Variants in EPHA6 observed in about 807,000 individuals in gnomAD.
EPHA6 encodes EPH receptor A6.
A neutral mutation model predicts 112.0 loss-of-function variants in EPHA6; 50 were observed. That is an observed-to-expected ratio of 0.45 (90% CI 0.36 to 0.56). EPHA6 has a LOEUF of 0.56. Among genes scored for constraint, EPHA6 ranks in the 20% least tolerant of loss-of-function variants. The pLI is 0.00. For synonymous variants in EPHA6, 529 were observed against 490.7 expected, an observed-to-expected ratio of 1.08 and a Z score of -1.03; for missense variants, 1,280 against 1,417.4, an observed-to-expected ratio of 0.90 and a Z score of 1.56.
At chr3:96,925,605 GT>G (rs34393123) in intron 2 of EPHA6, among the ~76,000 whole-genome samples, 16,999 of 136,490 alleles carry the variant, frequency 0.12, 1,208 homozygotes, top group Non-Finnish European at 0.18. Flanking sequence ...TTGATTTGCT[GT>G]TTTTTTTTTT....
In EPHA6 at chr3:97,036,236, T is replaced by C. The variant is rs71311310; in HGVS notation, c.1114+48243T>C. On this transcript the variant is annotated intron_variant, in intron 3 of 17. Coordinates refer to ENST00000389672, the MANE Select transcript of EPHA6 (RefSeq NM_001080448.3). The stretch of plus-strand genomic sequence containing the variant: ...TTTGAAAAATAAAGTGTGAATTATG[T>C]CTTTGATTCTTTAAATCAGTTTCTG... Among the ~76,000 whole-genome samples, 770 of 152,172 alleles carry C rather than the reference T, an allele frequency of 5.1e-3. 4 individuals are homozygous for C. The highest frequency in any genetic ancestry group is 7.2e-3 in the Non-Finnish European group (491 of 67,974).
chr3:97,058,995 G>C (rs913058862), intron 3 of EPHA6, among the ~76,000 whole-genome samples: 1 of 152,024 alleles, frequency 6.6e-6, no homozygotes, highest in Non-Finnish European at 1.5e-5. Context: ...AGGAGTGGGG[G>C]GACGCAGATT....
intron 3 of EPHA6, among the ~76,000 whole-genome samples, chr3:97,012,536 A>C (rs1404769582): frequency 2.0e-5 from 3 of 147,626 alleles, no homozygotes; most frequent in Non-Finnish European, 4.5e-5. Context: ...ATATATTTTT[A>C]TATATGAATA....
At chr3:97,517,675 A>G (rs2107609597) in intron 10 of EPHA6, among the ~76,000 whole-genome samples, 1 of 152,240 alleles carries the variant, frequency 6.6e-6, no homozygotes, top group South Asian at 2.1e-4. Flanking sequence ...TCTGGGCAAT[A>G]AGATCATTAA....
chr3:97,498,967 A>C (rs1382686671), intron 10 of EPHA6, among the ~76,000 whole-genome samples: 2 of 152,244 alleles, frequency 1.3e-5, no homozygotes, highest in Non-Finnish European at 2.9e-5. Flanking sequence ...AGCAATAATC[A>C]AAAGAATTGA....
At chr3:97,232,687 G>A (rs1239388040) in intron 4 of EPHA6, among the ~76,000 whole-genome samples, 1 of 152,232 alleles carries the variant, frequency 6.6e-6, no homozygotes, top group Middle Eastern at 3.4e-3. Flanking sequence ...AATGTTTTTG[G>A]AACAGGAACA....
Position 97,753,453 on chromosome 3 carries a change from AACC to A in EPHA6, c.*4753_*4755del, listed in dbSNP as rs549097118. Among the ~76,000 whole-genome samples, 67 of 152,246 alleles carry A rather than the reference AACC, an allele frequency of 4.4e-4. 1 individual carries two copies. In the South Asian group the frequency reaches 5.8e-3, roughly 13 times the overall value. ...ATAGTATTCTTCCGAAACACTCCATAACCCCTCTGGCGGAGGGGAAGCATACTT... is the reference window on the plus strand; with the variant it reads ...ATAGTATTCTTCCGAAACACTCCATACCTCTGGCGGAGGGGAAGCATACTT... On this transcript the variant is annotated 3_prime_UTR_variant, in exon 18 of 18. Coordinates refer to ENST00000389672, the MANE Select transcript of EPHA6 (RefSeq NM_001080448.3).
At chr3:97,446,785 A>G (rs753674383) in intron 6 of EPHA6, among the ~76,000 whole-genome samples, 3 of 152,148 alleles carry the variant, frequency 2.0e-5, no homozygotes, top group Non-Finnish European at 4.4e-5. Flanking sequence ...TCTCCACAAT[A>G]TGTGTTTTAA....
chr3:96,930,281 T>C, intron 2 of EPHA6, among the ~76,000 whole-genome samples: 1 of 152,240 alleles, frequency 6.6e-6, no homozygotes, highest in East Asian at 1.9e-4. Flanking sequence ...TTGCAGTCAT[T>C]TGGAGAAGGG....
At chr3:97,447,873 C>A in intron 6 of EPHA6, 2 of 732,562 alleles carry the variant, frequency 2.7e-6, no homozygotes, top group Non-Finnish European at 3.4e-6. Context: ...AGTGCTTCTT[C>A]ATGGGCAGAT....
At chr3:97,042,309 T>C (rs1475524728) in intron 3 of EPHA6, among the ~76,000 whole-genome samples, 1 of 152,112 alleles carries the variant, frequency 6.6e-6, no homozygotes, top group Non-Finnish European at 1.5e-5. Flanking sequence ...TGCTGTTACG[T>C]GCCTGCTTCC....
chr3:97,732,331 C>A (rs891660178), intron 15 of EPHA6, among the ~76,000 whole-genome samples: 10 of 151,652 alleles, frequency 6.6e-5, no homozygotes, highest in Non-Finnish European at 1.5e-4. Flanking sequence ...CTGGAAGAAG[C>A]CTTCCTGAGG....
intron 1 of EPHA6, among the ~76,000 whole-genome samples, chr3:96,862,214 G>T (rs961778685): frequency 5.3e-5 from 8 of 151,876 alleles, no homozygotes; most frequent in East Asian, 3.9e-4. Flanking sequence ...GATGTTAGAA[G>T]TATTGTCTTT....
At chr3:97,051,561 GATTCA>G (rs1246858444) in intron 3 of EPHA6, among the ~76,000 whole-genome samples, 5 of 152,042 alleles carry the variant, frequency 3.3e-5, no homozygotes. Flanking sequence ...CTCTTGACTT[GATTCA>G]GTCCACATCC....
intron 14 of EPHA6, among the ~76,000 whole-genome samples, chr3:97,715,491 G>A (rs1212770613): frequency 6.6e-6 from 1 of 152,160 alleles, no homozygotes; most frequent in Non-Finnish European, 1.5e-5. Flanking sequence ...TGAGAACAGA[G>A]CAAAAGTCTA....
chr3:96,944,721 C>G (rs986351454), intron 2 of EPHA6, among the ~76,000 whole-genome samples: 1 of 152,124 alleles, frequency 6.6e-6, no homozygotes, highest in South Asian at 2.1e-4. Flanking sequence ...ATGGTAAGAT[C>G]AAGAGATCAA....
In EPHA6 at chr3:96,844,147, T is replaced by C. The variant is rs149454518; in HGVS notation, c.386-22678T>C. On this transcript the variant is annotated intron_variant, in intron 1 of 17. Coordinates refer to ENST00000389672, the MANE Select transcript of EPHA6 (RefSeq NM_001080448.3). ...CAAGGAGTATCAGCTCACCTGTAGT[T>C]CTGGTGTTAGGTTCATCTTAAATGT... Among the ~76,000 whole-genome samples, 592 of 152,090 alleles carry C rather than the reference T, an allele frequency of 3.9e-3. 5 individuals are homozygous for C. Among genetic ancestry groups the C allele is most frequent in the African/African-American group, 0.013 (547 of 41,546 alleles).
chr3:96,882,768 G>GTGTGTATATATA (rs774521290), intron 2 of EPHA6, among the ~76,000 whole-genome samples: 1 of 148,780 alleles, frequency 6.7e-6, no homozygotes, highest in African/African-American at 2.5e-5. Context: ...GTGTGTGTGT[G>GTGTGTATATATA]TATAGTCAAT....
At chr3:97,004,382 C>A (rs1194358806) in intron 3 of EPHA6, among the ~76,000 whole-genome samples, 1 of 152,146 alleles carries the variant, frequency 6.6e-6, no homozygotes, top group Non-Finnish European at 1.5e-5. Flanking sequence ...ATGTACATTT[C>A]TCTGATAATC....
Sources: gnomAD v4.1 joint callset for allele counts (sites outside exome capture counted in the v4.1 genomes callset) on GRCh38, gnomAD v4.1.1 for gene constraint, MANE v1.5 for transcripts, NCBI Gene and HGNC (gene_info 2026-07-23, HGNC 2026-07-21) for gene names.